Variants in KATNA1 observed in about 807,000 individuals in gnomAD.
KATNA1 encodes the protein katanin p60 ATPase-containing subunit A1.
KATNA1 carries 42 observed loss-of-function variants against 62.6 expected under a neutral mutation model. The observed-to-expected ratio is 0.67, with a 90% CI of 0.52 to 0.87. KATNA1 has a LOEUF of 0.87. KATNA1 is among the 40% of genes least tolerant of loss of function. The pLI, the probability that KATNA1 is intolerant of heterozygous loss-of-function variation, is 0.00. For synonymous variants in KATNA1, 186 were observed against 201.9 expected (o/e 0.92, Z 0.67); for missense variants, 498 against 612.5 (o/e 0.81, Z 1.97).
intron 1 of KATNA1, among the ~76,000 whole-genome samples, chr6:149,646,814 A>G (rs1473697779): frequency 1.3e-5 from 2 of 152,226 alleles, no homozygotes; most frequent in Non-Finnish European, 2.9e-5. Flanking sequence ...AAACGCCACA[A>G]GCAAAAGCTA....
At chr6:149,604,416 T>C (rs1228567525) in intron 5 of KATNA1, among the ~76,000 whole-genome samples, 1 of 152,158 alleles carries the variant, frequency 6.6e-6, no homozygotes, top group Non-Finnish European at 1.5e-5. Flanking sequence ...CAGTGAGCTA[T>C]GATCGAGCCA....
chr6:149,603,762 T>C (rs2115086175), intron 5 of KATNA1, among the ~76,000 whole-genome samples: 1 of 152,296 alleles, frequency 6.6e-6, no homozygotes, highest in East Asian at 1.9e-4. Flanking sequence ...AAAAATCGTA[T>C]AAAGCAGAGA....
intron 8 of KATNA1, 32 bp downstream of exon 8, chr6:149,598,192 G>A (rs375023193): frequency 6.8e-5 from 109 of 1,611,228 alleles, no homozygotes; most frequent in African/African-American, 1.2e-4. Flanking sequence ...ACAACCTCCC[G>A]TCCCTGTTCA....
intron 4 of KATNA1, among the ~76,000 whole-genome samples, chr6:149,615,132 C>CAAAAAAAAAA (rs893824279): frequency 4.4e-5 from 2 of 45,626 alleles, no homozygotes; most frequent in South Asian, 8.7e-4. Flanking sequence ...GACTCTGTCT[C>CAAAAAAAAAA]AAAAAAAAAA....
rs997821594 is a variant in KATNA1, at chr6:149,594,947, T to C, written c.*89A>G. The C allele has an allele frequency of 1.0e-6, 1 of 991,932 alleles. No individual in the cohort carries two copies. The highest frequency in any genetic ancestry group is 1.5e-6 in the Non-Finnish European group (1 of 682,870). 61.4% of individuals were successfully genotyped at this position (991,932 alleles called of 1,614,324 possible). A position where few individuals can be genotyped will look rare whatever the true frequency, so the allele number is the denominator to read the frequency against. ...AAAAAAATCTTACCATTATGAAAGT[T>C]AAAAAAAATATAGCACTCAGTACAA... On this transcript the variant is annotated 3_prime_UTR_variant, in exon 11 of 11. Coordinates refer to ENST00000367411, the MANE Select transcript of KATNA1 (RefSeq NM_007044.4).
At chr6:149,613,206 A>C (rs865842446) in intron 4 of KATNA1, among the ~76,000 whole-genome samples, 6 of 142,846 alleles carry the variant, frequency 4.2e-5, no homozygotes, top group African/African-American at 1.6e-4. Flanking sequence ...AAAAAAAAAA[A>C]AAAAAAAAAA....
chr6:149,628,200 C>T (rs1042339002), intron 3 of KATNA1, among the ~76,000 whole-genome samples: 14 of 151,314 alleles, frequency 9.3e-5, no homozygotes, highest in African/African-American at 3.4e-4. Context: ...TGGGTTCACG[C>T]CATTCTCCTG....
At chr6:149,642,700 T>A (rs916698094) in intron 1 of KATNA1, among the ~76,000 whole-genome samples, 1 of 152,232 alleles carries the variant, frequency 6.6e-6, no homozygotes, top group African/African-American at 2.4e-5. Flanking sequence ...AATCCCAATG[T>A]CATTTTATAA....
At chr6:149,604,570 C>G (rs1166522593) in intron 5 of KATNA1, 91 bp downstream of exon 5, 2 of 1,351,358 alleles carry the variant, frequency 1.5e-6, no homozygotes, top group Non-Finnish European at 1.1e-6. Flanking sequence ...TGTCCTCAAG[C>G]TCTGCTCTTC....
chr6:149,603,417 T>A (rs953737548), intron 5 of KATNA1, 44 bp from the exon 6 acceptor site: 1 of 903,690 alleles, frequency 1.1e-6, no homozygotes, highest in African/African-American at 1.7e-5. Context: ...AGATGATACA[T>A]GTCTATGCAG....
chr6:149,630,020 T>C (rs1779770011), intron 3 of KATNA1, among the ~76,000 whole-genome samples: 1 of 152,176 alleles, frequency 6.6e-6, no homozygotes, highest in Non-Finnish European at 1.5e-5. Context: ...TGTTGACTAT[T>C]ATTAGGATTT....
intron 4 of KATNA1, among the ~76,000 whole-genome samples, chr6:149,605,263 C>T (rs1437416869): frequency 1.3e-5 from 2 of 151,298 alleles, no homozygotes; most frequent in African/African-American, 2.4e-5. Context: ...TGGTTTGATA[C>T]ATCAAAAGTA....
At chr6:149,598,930 T>G (rs1778429251) in intron 7 of KATNA1, among the ~76,000 whole-genome samples, 1 of 152,056 alleles carries the variant, frequency 6.6e-6, no homozygotes, top group Non-Finnish European at 1.5e-5. Flanking sequence ...AGTGATATGA[T>G]TTTGGCTCAC....
At chr6:149,623,060 G>T (rs755355645) in intron 4 of KATNA1, 43 bp downstream of exon 4, 1 of 1,400,434 alleles carries the variant, frequency 7.1e-7, no homozygotes, top group Admixed American at 2.3e-5. Context: ...CATTTTTACG[G>T]TTCAAAAATA....
At chr6:149,600,774 A>G (rs1197458103) in intron 7 of KATNA1, among the ~76,000 whole-genome samples, 1 of 144,632 alleles carries the variant, frequency 6.9e-6, no homozygotes, top group Non-Finnish European at 1.5e-5. Flanking sequence ...CATCTGTAAA[A>G]AAAAAAAAAA....
chr6:149,619,545 G>A (rs1000914860), intron 4 of KATNA1, among the ~76,000 whole-genome samples: 2 of 151,898 alleles, frequency 1.3e-5, no homozygotes, highest in Non-Finnish European at 2.9e-5. Context: ...CCTGAGAGGC[G>A]GAGGTTGTAG....
chr6:149,637,456 T>C (rs1196974989), intron 2 of KATNA1, among the ~76,000 whole-genome samples: 6 of 152,122 alleles, frequency 3.9e-5, no homozygotes, highest in Admixed American at 3.9e-4. Context: ...CATTTACAGT[T>C]TCGACAATGG....
At position 149,632,824 on chromosome 6, in the gene KATNA1, C is replaced by T. The variant is rs192703731; in HGVS notation, c.255G>A (p.Ala85=). The part of the protein sequence containing the change: ...SFKLDSTPLK[A]AQHDLPASEG... Reference sequence around the variant, plus strand: ...CAGAAGCTGGAAGGTCATGCTGTGCCGCTTTCAAGGGAGTGCTGTCCAGTT... The same window carrying T: ...CAGAAGCTGGAAGGTCATGCTGTGCTGCTTTCAAGGGAGTGCTGTCCAGTT... Residue 85 remains alanine (A), a synonymous_variant, in exon 3 of 11, where the codon GCG becomes GCA. Transcript: ENST00000367411. 3.5e-5 allele frequency: 57 copies of T among 1,613,916 alleles called. No homozygotes were observed. In the African/African-American group the frequency reaches 3.6e-4, roughly 10 times the overall value.
At chr6:149,637,960 C>T (rs537531313) in intron 2 of KATNA1, among the ~76,000 whole-genome samples, 1 of 152,106 alleles carries the variant, frequency 6.6e-6, no homozygotes, top group African/African-American at 2.4e-5. Context: ...TGTAATAACT[C>T]ACATACTCAT....
Sources: gnomAD v4.1 joint callset for allele counts (sites outside exome capture counted in the v4.1 genomes callset) on GRCh38, gnomAD v4.1.1 for gene constraint, MANE v1.5 for transcripts, NCBI Gene and HGNC (gene_info 2026-07-23, HGNC 2026-07-21) for gene names.